The following OSBPL1A variants were observed in gnomAD, a reference collection of about 807,000 sequenced individuals.
OSBPL1A encodes the protein oxysterol binding protein like 1A.
OSBPL1A carries 80 observed loss-of-function variants against 137.1 expected under a neutral mutation model. That is an observed-to-expected ratio of 0.58 (90% CI 0.49 to 0.70). The LOEUF (loss-of-function observed/expected upper bound fraction) is 0.70, where lower values mean the gene tolerates loss of function less well. Among genes scored for constraint, OSBPL1A ranks in the 30% least tolerant of loss-of-function variants. The pLI, the probability that OSBPL1A is intolerant of heterozygous loss-of-function variation, is 0.00. For synonymous variants in OSBPL1A, 365 were observed against 389.7 expected, an observed-to-expected ratio of 0.94 and a Z score of 0.75; for missense variants, 970 against 1,129.4, an observed-to-expected ratio of 0.86 and a Z score of 2.02.
intron 15 of OSBPL1A, among the ~76,000 whole-genome samples, chr18:24,278,719 C>G (rs17797849): frequency 0.097 from 14,778 of 152,184 alleles, 883 homozygotes; most frequent in South Asian, 0.16. Context: ...CCATCAGGTA[C>G]CACATAAGAG....
chr18:24,376,545 G>A (rs1173691246), intron 2 of OSBPL1A, among the ~76,000 whole-genome samples: 1 of 152,264 alleles, frequency 6.6e-6, no homozygotes, highest in East Asian at 1.9e-4. Flanking sequence ...GGGGCTGCAG[G>A]TGGAGCTGCC....
At chr18:24,205,402 G>A (rs1029321217) in intron 17 of OSBPL1A, among the ~76,000 whole-genome samples, 1 of 152,164 alleles carries the variant, frequency 6.6e-6, no homozygotes, top group Non-Finnish European at 1.5e-5. Flanking sequence ...CAATTTAATG[G>A]TAATATAACC....
At chr18:24,368,214 A>T in intron 3 of OSBPL1A, 73 bp downstream of exon 3, 1 of 1,245,208 alleles carries the variant, frequency 8.0e-7, no homozygotes, top group Non-Finnish European at 1.1e-6. Context: ...TGGCTTTTCT[A>T]AGACTTTCAT....
At chr18:24,367,126 G>A (rs1031130504) in intron 3 of OSBPL1A, among the ~76,000 whole-genome samples, 160 bp from the exon 4 acceptor site, 17 of 151,944 alleles carry the variant, frequency 1.1e-4, no homozygotes, top group African/African-American at 4.1e-4. Context: ...AGCCAGCACG[G>A]TGGTTTGAGC....
intron 2 of OSBPL1A, among the ~76,000 whole-genome samples, chr18:24,374,700 C>T (rs536941399): frequency 6.6e-6 from 1 of 152,206 alleles, no homozygotes; most frequent in East Asian, 1.9e-4. Context: ...CAAGCCTAGG[C>T]CAGGTGCCAG....
intron 14 of OSBPL1A, among the ~76,000 whole-genome samples, chr18:24,298,025 A>G (rs1036389562): frequency 2.0e-5 from 3 of 152,202 alleles, no homozygotes; most frequent in Non-Finnish European, 4.4e-5. Context: ...AATACAGGTC[A>G]TAAAGACCTT....
At chr18:24,208,634 C>T (rs1284392159) in intron 17 of OSBPL1A, among the ~76,000 whole-genome samples, 1 of 152,216 alleles carries the variant, frequency 6.6e-6, no homozygotes, top group Non-Finnish European at 1.5e-5. Flanking sequence ...CTTAATTAAA[C>T]TCTTATTACC....
At chr18:24,304,417 A>G (rs2090462553) in intron 13 of OSBPL1A, among the ~76,000 whole-genome samples, 1 of 152,230 alleles carries the variant, frequency 6.6e-6, no homozygotes, top group Non-Finnish European at 1.5e-5. Flanking sequence ...GATCAGTCAA[A>G]TCCATTTATT....
chr18:24,176,960 G>A (rs73408114), intron 21 of OSBPL1A, among the ~76,000 whole-genome samples: 4,249 of 152,272 alleles, frequency 0.028, 150 homozygotes, highest in African/African-American at 0.088. Flanking sequence ...TCTCCCCTCC[G>A]GCTGGCAAGC....
chr18:24,336,947 C>T (rs2091184900), intron 5 of OSBPL1A, among the ~76,000 whole-genome samples: 1 of 152,104 alleles, frequency 6.6e-6, no homozygotes, highest in Non-Finnish European at 1.5e-5. Context: ...CAGTTTTTCT[C>T]CCTGCAGGTC....
rs59694707 is a variant in OSBPL1A at position 24,354,748 on chromosome 18, C to CAAA, written c.282+12141_282+12143dup. 8.8e-3 allele frequency among the ~76,000 whole-genome samples: 674 copies of CAAA among 76,674 alleles called. 1 individual carries two copies. Among genetic ancestry groups the CAAA allele is most frequent in the East Asian group, 0.017 (32 of 1,890 alleles). The allele number at this position is 76,674 out of a possible 152,430, so 50.3% of individuals were successfully genotyped here. ...ACAAGGCAGTAGTTTCTCAATATAG[C>CAAA]AAAAAAAAAAAAAAAAAAAAAAAAA... On this transcript the variant is annotated intron_variant, in intron 4 of 27. Coordinates refer to ENST00000319481, the MANE Select transcript of OSBPL1A (RefSeq NM_080597.4).
intron 13 of OSBPL1A, among the ~76,000 whole-genome samples, chr18:24,308,426 C>T (rs2090547932): frequency 6.6e-6 from 1 of 151,768 alleles, no homozygotes; most frequent in Non-Finnish European, 1.5e-5. Flanking sequence ...CGCCATGTTG[C>T]CCAGGATAGT....
intron 26 of OSBPL1A, among the ~76,000 whole-genome samples, chr18:24,165,955 G>A (rs922153172): frequency 1.3e-5 from 2 of 152,036 alleles, no homozygotes; most frequent in African/African-American, 4.8e-5. Context: ...AAATTAGCCG[G>A]GTGTGGTGGC....
chr18:24,215,686 C>A (rs1385339351), intron 17 of OSBPL1A, among the ~76,000 whole-genome samples: 1 of 152,198 alleles, frequency 6.6e-6, no homozygotes, highest in African/African-American at 2.4e-5. Flanking sequence ...GGAAAACAGA[C>A]ACTTCAGTGT....
chr18:24,225,019 A>C, intron 17 of OSBPL1A, 23 bp downstream of exon 17: 4 of 1,613,140 alleles, frequency 2.5e-6, no homozygotes, highest in Non-Finnish European at 3.4e-6. Context: ...CGCAGCAGTG[A>C]CAACTGTCAG....
At chr18:24,310,859 A>AT (rs894742599) in intron 13 of OSBPL1A, among the ~76,000 whole-genome samples, 5 of 152,030 alleles carry the variant, frequency 3.3e-5, no homozygotes, top group Non-Finnish European at 7.4e-5. Flanking sequence ...GCATCGTTTT[A>AT]TTTTTTTACT....
intron 18 of OSBPL1A, among the ~76,000 whole-genome samples, chr18:24,185,422 C>T (rs2086721727): frequency 6.6e-6 from 1 of 151,550 alleles, no homozygotes; most frequent in South Asian, 2.1e-4. Flanking sequence ...TGGGTTCGAG[C>T]AATTCTCCTG....
At chr18:24,315,608 A>T (rs932599135) in intron 11 of OSBPL1A, among the ~76,000 whole-genome samples, 13 of 127,334 alleles carry the variant, frequency 1.0e-4, no homozygotes, top group African/African-American at 3.4e-4. Flanking sequence ...ATTATATATT[A>T]TAATCATAAT....
intron 17 of OSBPL1A, among the ~76,000 whole-genome samples, chr18:24,197,962 A>G (rs1384212877): frequency 6.6e-6 from 1 of 151,228 alleles, no homozygotes; most frequent in Non-Finnish European, 1.5e-5. Context: ...AATTTTTTGT[A>G]TTTTTAGTAG....
Sources: gnomAD v4.1 joint callset for allele counts (sites outside exome capture counted in the v4.1 genomes callset) on GRCh38, gnomAD v4.1.1 for gene constraint, MANE v1.5 for transcripts, NCBI Gene and HGNC (gene_info 2026-07-23, HGNC 2026-07-21) for gene names.